GULP1: variants seen among roughly 807,000 people sequenced by gnomAD.
The protein encoded by GULP1 is PTB domain-containing engulfment adapter protein 1.
GULP1 carries 19 observed loss-of-function variants against 40.9 expected under a neutral mutation model. The ratio of observed to expected loss-of-function variants is 0.46; its 90% CI spans 0.32 to 0.68. The LOEUF (loss-of-function observed/expected upper bound fraction) is 0.68, where lower values mean the gene tolerates loss of function less well. Among genes scored for constraint, GULP1 ranks in the 30% least tolerant of loss-of-function variants. GULP1 has a pLI of 0.03. For missense variants in GULP1, 312 were observed against 362.2 expected (o/e 0.86, Z 1.12); for synonymous variants, 119 against 117.6 (o/e 1.01, Z -0.08).
chr2:188,435,072 G>A (rs2057282758), intron 2 of GULP1, among the ~76,000 whole-genome samples: 1 of 151,978 alleles, frequency 6.6e-6, no homozygotes, highest in Non-Finnish European at 1.5e-5. Flanking sequence ...TAGAAGTATA[G>A]CTTCATACTT....
intron 9 of GULP1, among the ~76,000 whole-genome samples, chr2:188,583,132 G>A (rs1701655624): frequency 1.3e-5 from 2 of 151,994 alleles, no homozygotes; most frequent in African/African-American, 4.8e-5. Flanking sequence ...TTAGGGGAAT[G>A]GTATTGCTGA....
chr2:188,518,435 C>G (rs908262615), intron 4 of GULP1, among the ~76,000 whole-genome samples: 16 of 152,098 alleles, frequency 1.1e-4, no homozygotes, highest in African/African-American at 3.9e-4. Flanking sequence ...TGTGGAGTTA[C>G]AAAACTTGAC....
chr2:188,516,116 C>G (rs1415599174), intron 4 of GULP1, among the ~76,000 whole-genome samples: 1 of 152,146 alleles, frequency 6.6e-6, no homozygotes, highest in Non-Finnish European at 1.5e-5. Flanking sequence ...GCCATCAACA[C>G]CCTCCTGACA....
At chr2:188,313,382 A>T (rs1370339954) in intron 1 of GULP1, among the ~76,000 whole-genome samples, 1 of 152,042 alleles carries the variant, frequency 6.6e-6, no homozygotes, top group Non-Finnish European at 1.5e-5. Flanking sequence ...TCCCTTACCC[A>T]TTGGTTGTTT....
intron 6 of GULP1, among the ~76,000 whole-genome samples, chr2:188,535,328 C>G (rs1261834707): frequency 6.6e-6 from 1 of 151,990 alleles, no homozygotes; most frequent in African/African-American, 2.4e-5. Context: ...GTTTTTCAAT[C>G]CTTAACACCC....
rs545319653 is a variant in GULP1 at position 188,475,393 on chromosome 2, G to GT, written c.-44-2257dup. Among the ~76,000 whole-genome samples, 58 of 151,034 alleles carry GT rather than the reference G, an allele frequency of 3.8e-4. 1 individual carries two copies. In the South Asian group the frequency reaches 5.0e-3, roughly 13 times the overall value. ...TGAACTTTATATAATTATGTGAAGA[G>GT]TTTTTTTTTGTTGTTATTCTTGTTC... On this transcript the variant is annotated intron_variant, in intron 2 of 11. Transcript: ENST00000409830.
chr2:188,377,184 A>G (rs1281386242), intron 1 of GULP1, among the ~76,000 whole-genome samples: 1 of 152,088 alleles, frequency 6.6e-6, no homozygotes, highest in African/African-American at 2.4e-5. Flanking sequence ...AAAAAAAAAA[A>G]GAAAGAATTT....
chr2:188,328,855 T>A (rs73036454), intron 1 of GULP1, among the ~76,000 whole-genome samples: 3,049 of 152,222 alleles, frequency 0.02, 105 homozygotes, highest in African/African-American at 0.069. Context: ...ACACGATGAA[T>A]ACTTAAACAT....
intron 7 of GULP1, among the ~76,000 whole-genome samples, chr2:188,556,979 G>A (rs1056972946): frequency 2.2e-4 from 33 of 151,594 alleles, no homozygotes; most frequent in Admixed American, 2.0e-3. Flanking sequence ...AGCCTAGATC[G>A]TGCCACTGCA....
At chr2:188,429,370 C>T (rs551060553) in intron 2 of GULP1, among the ~76,000 whole-genome samples, 2 of 152,162 alleles carry the variant, frequency 1.3e-5, no homozygotes, top group Admixed American at 1.3e-4. Flanking sequence ...AGGTGTGGTG[C>T]ATGCCTGTAG....
chr2:188,571,225 TA>T (rs1698968795), intron 9 of GULP1, among the ~76,000 whole-genome samples: 1 of 152,196 alleles, frequency 6.6e-6, no homozygotes, highest in African/African-American at 2.4e-5. Flanking sequence ...CAAAATTTTT[TA>T]TGGAAGCTTA....
intron 4 of GULP1, among the ~76,000 whole-genome samples, chr2:188,489,149 C>CA (rs2062122964): frequency 6.6e-6 from 1 of 151,552 alleles, no homozygotes; most frequent in African/African-American, 2.4e-5. Context: ...ATTAGTGTGT[C>CA]AAAAAAAGGA....
At chr2:188,444,621 T>C (rs2058226332) in intron 2 of GULP1, among the ~76,000 whole-genome samples, 1 of 152,206 alleles carries the variant, frequency 6.6e-6, no homozygotes, top group African/African-American at 2.4e-5. Flanking sequence ...TTGGCAGTTA[T>C]CCATGCCCAC....
intron 4 of GULP1, among the ~76,000 whole-genome samples, chr2:188,485,983 A>G (rs1351855885): frequency 6.6e-6 from 1 of 152,040 alleles, no homozygotes; most frequent in East Asian, 1.9e-4. Flanking sequence ...CAACACCTAG[A>G]TTAGAATTTG....
At chr2:188,405,896 A>AT (rs1349848782) in intron 2 of GULP1, among the ~76,000 whole-genome samples, 1 of 152,246 alleles carries the variant, frequency 6.6e-6, no homozygotes, top group Non-Finnish European at 1.5e-5. Context: ...CCACAAGGTT[A>AT]AGAACAGTCA....
chr2:188,293,309 G>A (rs1256345808), intron 1 of GULP1: 1 of 152,222 alleles, frequency 6.6e-6, no homozygotes, highest in Non-Finnish European at 1.5e-5. Flanking sequence ...TTGACAAAGT[G>A]TAATGCAGTC....
intron 2 of GULP1, among the ~76,000 whole-genome samples, chr2:188,442,818 A>G (rs1201077828): frequency 6.6e-6 from 1 of 152,200 alleles, no homozygotes; most frequent in Non-Finnish European, 1.5e-5. Flanking sequence ...TAATGGCGCT[A>G]TAAAATTCAT....
In GULP1 at chr2:188,438,674, A is replaced by G. The variant is rs896699156; in HGVS notation, c.-44-38985A>G. On this transcript the variant is annotated intron_variant, in intron 2 of 11. Coordinates refer to ENST00000409830, the MANE Select transcript of GULP1 (RefSeq NM_016315.4). ...GCCACATAGAATATATATATCACAA[A>G]AAAAATGTAAAGAAGGCACAAAATA... is the stretch of plus-strand genomic sequence containing the variant. Among the ~76,000 whole-genome samples, 4 of 151,990 alleles carry G rather than the reference A, an allele frequency of 2.6e-5. No homozygotes were observed. In the East Asian group the frequency reaches 7.7e-4, roughly 29 times the overall value.
At chr2:188,550,568 A>G (rs1693193356) in intron 7 of GULP1, among the ~76,000 whole-genome samples, 1 of 151,656 alleles carries the variant, frequency 6.6e-6, no homozygotes, top group South Asian at 2.1e-4. Context: ...AGGAACTGTA[A>G]AATAAGGCAA....
Sources: allele counts gnomAD v4.1 joint callset (sites outside exome capture counted in the v4.1 genomes callset), GRCh38; gene constraint gnomAD v4.1.1; transcripts MANE v1.5; gene names NCBI Gene and HGNC (gene_info 2026-07-23, HGNC 2026-07-21).